RANBP2: variants seen among roughly 807,000 people sequenced by gnomAD.
RANBP2 encodes the protein RAN binding protein 2.
RANBP2 carries 57 observed loss-of-function variants against 303.6 expected under a neutral mutation model. The ratio of observed to expected loss-of-function variants is 0.19; its 90% CI spans 0.15 to 0.23. The LOEUF (loss-of-function observed/expected upper bound fraction) is 0.23. Ranked by LOEUF, RANBP2 falls within the 10% of genes least tolerant of loss-of-function variation. The pLI, the probability that RANBP2 is intolerant of heterozygous loss-of-function variation, is 1.00. For missense variants in RANBP2, 3,138 were observed against 3,780.8 expected, an observed-to-expected ratio of 0.83 and a Z score of 4.46; for synonymous variants, 1,167 against 1,301.5, an observed-to-expected ratio of 0.90 and a Z score of 2.23.
At chr2:108,958,009 T>A in the RANBP2 span, among the ~76,000 whole-genome samples, 1 of 152,158 alleles carries the variant, frequency 6.6e-6, no homozygotes, top group Non-Finnish European at 1.5e-5. Context: ...TAAGCAGCCC[T>A]TTGGATTAAA....
the RANBP2 span, among the ~76,000 whole-genome samples, chr2:109,166,125 A>C: frequency 6.6e-6 from 1 of 152,316 alleles, no homozygotes; most frequent in Non-Finnish European, 1.5e-5. Context: ...GTCAGGCACA[A>C]AGAAGTAGTG....
At chr2:109,255,494 CTTTAT>C in the RANBP2 span, among the ~76,000 whole-genome samples, 1 of 152,158 alleles carries the variant, frequency 6.6e-6, no homozygotes, top group Non-Finnish European at 1.5e-5. Context: ...GACTGGGTAT[CTTTAT>C]TCACAGAAGA....
chr2:109,414,032 A>C, the RANBP2 span, among the ~76,000 whole-genome samples: 2 of 152,186 alleles, frequency 1.3e-5, no homozygotes, highest in South Asian at 4.1e-4. Flanking sequence ...CTCAATGGAC[A>C]ATGACATTCC....
chr2:109,654,035 C>T, the RANBP2 span, among the ~76,000 whole-genome samples: 2 of 152,154 alleles, frequency 1.3e-5, no homozygotes, highest in African/African-American at 4.8e-5. Flanking sequence ...ACAGGAATTT[C>T]CTTGCAAGGC....
the RANBP2 span, among the ~76,000 whole-genome samples, chr2:109,038,422 C>T: frequency 6.6e-6 from 1 of 152,068 alleles, no homozygotes; most frequent in African/African-American, 2.4e-5. Flanking sequence ...TTGCTTAAGC[C>T]TGGGAGTGCA....
the RANBP2 span, among the ~76,000 whole-genome samples, chr2:109,642,159 C>G: frequency 6.6e-6 from 1 of 152,084 alleles, no homozygotes; most frequent in Non-Finnish European, 1.5e-5. Context: ...AACTCCTGAC[C>G]GTGTTATCCA....
the RANBP2 span, among the ~76,000 whole-genome samples, chr2:109,629,306 TATA>T: frequency 2.3e-4 from 1 of 4,304 alleles, no homozygotes; most frequent in African/African-American, 6.6e-4. Context: ...CCTAAAGATA[TATA>T]TATATATATA....
intron 11 of RANBP2, 67 bp from the exon 12 acceptor site, chr2:108,751,804 A>G (rs925405049): frequency 1.3e-5 from 21 of 1,611,862 alleles, no homozygotes; most frequent in African/African-American, 5.3e-5. Context: ...ACCCATTAAC[A>G]TATATGTATG....
chr2:109,007,770 C>G, the RANBP2 span, among the ~76,000 whole-genome samples: 3 of 152,190 alleles, frequency 2.0e-5, no homozygotes, highest in Non-Finnish European at 2.9e-5. Context: ...AAATGGACAT[C>G]TTTTCTGTGC....
chr2:108,911,002 G>C, the RANBP2 span: 1 of 1,614,116 alleles, frequency 6.2e-7, no homozygotes, highest in Non-Finnish European at 8.5e-7. Flanking sequence ...GGACGATGGC[G>C]ATGGCCATGA....
chr2:109,539,540 T>G, the RANBP2 span, among the ~76,000 whole-genome samples: 1 of 151,838 alleles, frequency 6.6e-6, no homozygotes, highest in East Asian at 2.0e-4. Context: ...GCCTCCCAGG[T>G]TCAAGCAATT....
chr2:109,215,534 T>C, the RANBP2 span, among the ~76,000 whole-genome samples: 1 of 152,270 alleles, frequency 6.6e-6, no homozygotes, highest in Non-Finnish European at 1.5e-5. Flanking sequence ...CTCCTGCTTC[T>C]ATGTGGGTTC....
At chr2:108,948,451 A>G in the RANBP2 span, among the ~76,000 whole-genome samples, 1 of 152,204 alleles carries the variant, frequency 6.6e-6, no homozygotes, top group South Asian at 2.1e-4. Context: ...AATTCTCTGT[A>G]TTAGTCCGTT....
chr2:109,692,717 C>A, the RANBP2 span, among the ~76,000 whole-genome samples: 2 of 152,160 alleles, frequency 1.3e-5, no homozygotes, highest in Non-Finnish European at 2.9e-5. Context: ...TGGCTGCCTG[C>A]ATAAATTCAC....
intron 25 of RANBP2, among the ~76,000 whole-genome samples, chr2:108,777,843 A>T (rs938669908): frequency 2.0e-5 from 3 of 152,236 alleles, no homozygotes; most frequent in Admixed American, 6.5e-5. Context: ...CCCCTTAAAT[A>T]GTTCTAGTAC....
At chr2:109,434,453 C>T in the RANBP2 span, among the ~76,000 whole-genome samples, 5 of 152,220 alleles carry the variant, frequency 3.3e-5, no homozygotes, top group African/African-American at 1.2e-4. Context: ...AGCTTCCTTG[C>T]GTAGCATTGG....
At chr2:109,581,136 A>G in the RANBP2 span, among the ~76,000 whole-genome samples, 1 of 152,238 alleles carries the variant, frequency 6.6e-6, no homozygotes, top group Admixed American at 6.5e-5. Context: ...TTTTGAATGT[A>G]CACTTAAAAT....
At chr2:109,389,434 T>C in the RANBP2 span, among the ~76,000 whole-genome samples, 1 of 152,214 alleles carries the variant, frequency 6.6e-6, no homozygotes, top group Non-Finnish European at 1.5e-5. Flanking sequence ...GCATACCGCA[T>C]GAGTGTGTGA....
chr2:109,371,446 C>T, the RANBP2 span: 1 of 619,490 alleles, frequency 1.6e-6, no homozygotes, highest in East Asian at 2.8e-5. Flanking sequence ...ATGTCAGATA[C>T]CTGAATGGAT....
Sources: gnomAD v4.1 joint callset for allele counts (sites outside exome capture counted in the v4.1 genomes callset) on GRCh38, gnomAD v4.1.1 for gene constraint, MANE v1.5 for transcripts, NCBI Gene and HGNC (gene_info 2026-07-23, HGNC 2026-07-21) for gene names.